Variants in FMN1 observed in about 807,000 individuals in gnomAD.
FMN1 encodes the protein formin-1.
In FMN1, 110 loss-of-function variants were observed where a neutral mutation model predicts 132.4. The observed-to-expected ratio is 0.83, with a 90% CI of 0.71 to 0.97. The LOEUF is 0.97. Ranked by LOEUF, FMN1 falls within the 50% of genes least tolerant of loss-of-function variation. The pLI is 0.00. For missense variants in FMN1, 1,792 were observed against 1,705.3 expected (o/e 1.05, Z -0.90); for synonymous variants, 722 against 651.7 (o/e 1.11, Z -1.64).
chr15:32,966,782 C>T (rs2031279442), intron 8 of FMN1, among the ~76,000 whole-genome samples: 1 of 152,314 alleles, frequency 6.6e-6, no homozygotes, highest in East Asian at 1.9e-4. Flanking sequence ...ACTACTTAAT[C>T]CTCTAGTTGC....
At chr15:32,959,790 T>C (rs1297991406) in intron 9 of FMN1, among the ~76,000 whole-genome samples, 1 of 152,254 alleles carries the variant, frequency 6.6e-6, no homozygotes, top group African/African-American at 2.4e-5. Flanking sequence ...AAATATTCAT[T>C]CACCAAAACA....
intron 6 of FMN1, among the ~76,000 whole-genome samples, chr15:33,058,883 G>A (rs535898432): frequency 6.6e-5 from 10 of 152,226 alleles, no homozygotes; most frequent in South Asian, 2.1e-4. Flanking sequence ...CCTTTCTTGC[G>A]TATCATTTGT....
rs80077360 is a variant in FMN1, at chr15:32,947,881, T to C, written c.3138+16226A>G. On this transcript the variant is annotated intron_variant, in intron 9 of 20. Coordinates refer to ENST00000616417, the MANE Select transcript of FMN1 (RefSeq NM_001277313.2). ...TTTTTTAAATTTGTCAATACAGATTTTCTATGCTGAAAAATCACAATTCAT... is the reference window on the plus strand; with the variant it reads ...TTTTTTAAATTTGTCAATACAGATTCTCTATGCTGAAAAATCACAATTCAT... Among the ~76,000 whole-genome samples, 192 of 152,230 alleles carry C rather than the reference T, an allele frequency of 1.3e-3. 5 individuals are homozygous for C. The East Asian group carries it at 0.032, about 25-fold the overall frequency.
At chr15:32,827,147 T>C (rs1445097646) in intron 17 of FMN1, among the ~76,000 whole-genome samples, 3 of 152,200 alleles carry the variant, frequency 2.0e-5, no homozygotes, top group Non-Finnish European at 4.4e-5. Context: ...CTCCAGTCAC[T>C]CTTTCCAAGA....
intron 4 of FMN1, among the ~76,000 whole-genome samples, chr15:33,106,981 C>A (rs950368049): frequency 6.6e-6 from 1 of 151,990 alleles, no homozygotes; most frequent in Non-Finnish European, 1.5e-5. Flanking sequence ...CATAAGCTCT[C>A]GCCCTATCTC....
intron 16 of FMN1, among the ~76,000 whole-genome samples, chr15:32,879,498 T>C (rs2059712931): frequency 6.6e-6 from 1 of 152,216 alleles, no homozygotes; most frequent in Admixed American, 6.5e-5. Flanking sequence ...TACCCTGCTC[T>C]CCCTTCTAGA....
intron 4 of FMN1, among the ~76,000 whole-genome samples, chr15:33,112,559 G>A (rs1173792855): frequency 1.3e-5 from 2 of 152,158 alleles, no homozygotes; most frequent in African/African-American, 4.8e-5. Context: ...TCAGGCACTA[G>A]TGCTTAGTTT....
intron 18 of FMN1, among the ~76,000 whole-genome samples, chr15:32,799,832 C>CA (rs2057418504): frequency 6.6e-6 from 1 of 152,208 alleles, no homozygotes; most frequent in South Asian, 2.1e-4. Context: ...CCACCTACCC[C>CA]AAGCCTCACA....
Position 32,968,887 on chromosome 15 carries a change from G to A in FMN1, c.2814C>T (p.Asn938=), listed in dbSNP as rs760972182. 3 of 921,838 alleles carry A rather than the reference G, an allele frequency of 3.3e-6. No homozygotes were observed. Among genetic ancestry groups the A allele is most frequent in the Admixed American group, 2.3e-5 (1 of 43,790 alleles). 57.1% of individuals were successfully genotyped at this position (921,838 alleles called of 1,614,324 possible). ...GTGGAGCAGGAGGAGGCCCTCCAGG[G>A]TTGGGTGGGGCAGGGGAGTTAGGAA... is the stretch of plus-strand genomic sequence containing the variant. ...PPLPNSPAPP[N]PGGPPPAPPP... The change falls in exon 8 of 21, where the codon AAC becomes AAT. Residue 938 remains asparagine, a synonymous_variant. Coordinates refer to ENST00000616417, the MANE Select transcript of FMN1 (RefSeq NM_001277313.2).
intron 3 of FMN1, among the ~76,000 whole-genome samples, chr15:33,177,080 C>T (rs748534727): frequency 6.6e-6 from 1 of 152,180 alleles, no homozygotes; most frequent in Non-Finnish European, 1.5e-5. Context: ...TACAGAAAAG[C>T]CTGTGAAGTA....
chr15:33,112,196 T>A (rs1385548271), intron 4 of FMN1, among the ~76,000 whole-genome samples: 1 of 152,114 alleles, frequency 6.6e-6, no homozygotes, highest in Non-Finnish European at 1.5e-5. Flanking sequence ...GTCATCTACA[T>A]GATAAAATGT....
chr15:32,954,457 G>A (rs953574317), intron 9 of FMN1, among the ~76,000 whole-genome samples: 19 of 152,200 alleles, frequency 1.2e-4, no homozygotes, highest in Non-Finnish European at 2.5e-4. Context: ...GTCATGACCA[G>A]ATCCTTGGAA....
At chr15:32,841,990 C>G (rs1157078334) in intron 17 of FMN1, among the ~76,000 whole-genome samples, 1 of 152,190 alleles carries the variant, frequency 6.6e-6, no homozygotes, top group Non-Finnish European at 1.5e-5. Context: ...GGTAGCTTGT[C>G]TCCAAGATGT....
chr15:33,096,010 A>G (rs1184083804), intron 4 of FMN1, among the ~76,000 whole-genome samples: 1 of 152,192 alleles, frequency 6.6e-6, no homozygotes, highest in African/African-American at 2.4e-5. Flanking sequence ...CAAAAAAAAA[A>G]AAAGAAGGCA....
chr15:32,909,982 T>C (rs985220485), intron 11 of FMN1, among the ~76,000 whole-genome samples: 1 of 152,102 alleles, frequency 6.6e-6, no homozygotes, highest in Non-Finnish European at 1.5e-5. Context: ...TAGCAGGCAA[T>C]GGTAGACACA....
chr15:32,976,783 G>A (rs2095701964), intron 7 of FMN1, among the ~76,000 whole-genome samples: 1 of 152,160 alleles, frequency 6.6e-6, no homozygotes, highest in Admixed American at 6.5e-5. Context: ...CCCAATGAAT[G>A]CAATGCTGGA....
At chr15:33,169,985 A>G (rs1245539296) in intron 3 of FMN1, among the ~76,000 whole-genome samples, 1 of 152,088 alleles carries the variant, frequency 6.6e-6, no homozygotes, top group Non-Finnish European at 1.5e-5. Flanking sequence ...AAAAAGCCCA[A>G]TACCATCAGA....
intron 4 of FMN1, among the ~76,000 whole-genome samples, chr15:33,114,647 T>G (rs747531536): frequency 1.3e-5 from 2 of 151,828 alleles, no homozygotes; most frequent in African/African-American, 4.8e-5. Flanking sequence ...TGACCAACAA[T>G]GCACCTTCTT....
chr15:33,041,539 T>G (rs2036440766), intron 6 of FMN1, among the ~76,000 whole-genome samples: 2 of 151,324 alleles, frequency 1.3e-5, no homozygotes, highest in African/African-American at 4.8e-5. Flanking sequence ...GTTTACAATC[T>G]GATTAAAAAA....
Sources: allele counts gnomAD v4.1 joint callset (sites outside exome capture counted in the v4.1 genomes callset), GRCh38; gene constraint gnomAD v4.1.1; transcripts MANE v1.5; gene names NCBI Gene and HGNC (gene_info 2026-07-23, HGNC 2026-07-21).